Variants in VGLL4 observed in about 807,000 individuals in gnomAD.
VGLL4 encodes vestigial like family member 4.
Under a neutral mutation model 21.0 loss-of-function variants are expected in VGLL4, and 7 were observed. The observed-to-expected ratio is 0.33, with a 90% CI of 0.19 to 0.63. VGLL4 has a LOEUF of 0.63. VGLL4 is among the 20% of genes least tolerant of loss of function. VGLL4 has a pLI of 0.78. For synonymous variants in VGLL4, 222 were observed against 173.2 expected (o/e 1.28, Z -2.21); for missense variants, 394 against 425.7 (o/e 0.93, Z 0.66).
rs757293498 is a variant in VGLL4, at chr3:11,642,239, C to A, written c.82+1198G>T. On this transcript the variant is annotated intron_variant, in intron 1 of 4. Coordinates refer to ENST00000430365, the MANE Select transcript of VGLL4 (RefSeq NM_001128219.3). ...GTAGGAGTAAAGAAAAACAAATACT[C>A]TTTTTAAAAAACGTTAAATATGAGA... Among the ~76,000 whole-genome samples, 41 of 152,166 alleles carry A rather than the reference C, an allele frequency of 2.7e-4. 1 individual carries two copies. In the Middle Eastern group the frequency reaches 0.02, roughly 76 times the overall value.
chr3:11,562,441 G>A (rs1361344657), intron 3 of VGLL4, among the ~76,000 whole-genome samples: 4 of 152,102 alleles, frequency 2.6e-5, no homozygotes, highest in East Asian at 3.9e-4. Context: ...TGCAGCATGC[G>A]TCCTGCCTGC....
intron 2 of VGLL4, among the ~76,000 whole-genome samples, chr3:11,600,378 A>AG (rs2125263335): frequency 6.6e-6 from 1 of 152,014 alleles, no homozygotes; most frequent in African/African-American, 2.4e-5. Flanking sequence ...AAGAAAAAAA[A>AG]AAAAAGACCA....
chr3:11,602,053 G>A, intron 1 of VGLL4, 31 bp from the exon 2 acceptor site: 1 of 1,489,894 alleles, frequency 6.7e-7, no homozygotes, highest in South Asian at 1.4e-5. Flanking sequence ...TAGTCACTAA[G>A]CAGGAGAAAG....
intron 2 of VGLL4, among the ~76,000 whole-genome samples, chr3:11,665,476 G>C (rs1198251032): frequency 2.6e-5 from 4 of 152,172 alleles, no homozygotes; most frequent in Non-Finnish European, 4.4e-5. Context: ...TCATACACCT[G>C]CAGCTTCACC....
intron 2 of VGLL4, among the ~76,000 whole-genome samples, chr3:11,687,114 TAA>T (rs1198224207): frequency 2.0e-5 from 3 of 152,204 alleles, no homozygotes; most frequent in African/African-American, 7.2e-5. Flanking sequence ...ATAAAATTTA[TAA>T]AGTGTTTTAA....
intron 1 of VGLL4, among the ~76,000 whole-genome samples, chr3:11,620,273 CTA>C (rs2075240765): frequency 6.6e-6 from 1 of 152,158 alleles, no homozygotes; most frequent in African/African-American, 2.4e-5. Context: ...GCCCCAGGGA[CTA>C]TGTTTCCAAC....
intron 2 of VGLL4, among the ~76,000 whole-genome samples, chr3:11,590,369 C>A (rs1224448106): frequency 1.3e-5 from 2 of 152,136 alleles, no homozygotes; most frequent in East Asian, 3.9e-4. Context: ...TGGCCTTGAC[C>A]CAGTTTCTGG....
At chr3:11,688,027 T>C (rs1306544645) in intron 2 of VGLL4, among the ~76,000 whole-genome samples, 1 of 152,190 alleles carries the variant, frequency 6.6e-6, no homozygotes, top group Non-Finnish European at 1.5e-5. Context: ...AATACTTTTT[T>C]AGACTTCTGT....
intron 2 of VGLL4, among the ~76,000 whole-genome samples, chr3:11,694,905 C>T (rs1404981413): frequency 6.6e-6 from 1 of 152,066 alleles, no homozygotes; most frequent in Non-Finnish European, 1.5e-5. Flanking sequence ...CTTTTATTGG[C>T]TATATTTAGT....
chr3:11,628,691 G>T (rs868377063), intron 1 of VGLL4, among the ~76,000 whole-genome samples: 2 of 151,912 alleles, frequency 1.3e-5, no homozygotes, highest in Non-Finnish European at 2.9e-5. Flanking sequence ...GTGGTGGCGG[G>T]CGCCTGTAAT....
At chr3:11,567,139 G>A (rs1333585346) in intron 2 of VGLL4, among the ~76,000 whole-genome samples, 2 of 152,128 alleles carry the variant, frequency 1.3e-5, no homozygotes, top group African/African-American at 2.4e-5. Context: ...TCTCCAGCAG[G>A]GGCACGCGCT....
At chr3:11,613,540 G>A (rs1011381250) in intron 1 of VGLL4, among the ~76,000 whole-genome samples, 4 of 152,150 alleles carry the variant, frequency 2.6e-5, no homozygotes, top group Non-Finnish European at 4.4e-5. Flanking sequence ...TACCTCGCAC[G>A]TGGTCCCGGG....
chr3:11,659,618 G>C (rs2076009731), intron 2 of VGLL4, among the ~76,000 whole-genome samples: 1 of 149,680 alleles, frequency 6.7e-6, no homozygotes, highest in African/African-American at 2.5e-5. Context: ...ACAGGCGTGA[G>C]CCACCACGCC....
chr3:11,686,703 C>T (rs75090716), intron 2 of VGLL4, among the ~76,000 whole-genome samples: 2,438 of 152,298 alleles, frequency 0.016, 62 homozygotes, highest in African/African-American at 0.053. Flanking sequence ...TTTAATCATT[C>T]TTCCTCCATG....
At chr3:11,721,029 G>C (rs1436707999), upstream of VGLL4, among the ~76,000 whole-genome samples, 3 of 152,142 alleles carry the variant, frequency 2.0e-5, no homozygotes, top group Non-Finnish European at 4.4e-5. Flanking sequence ...AATAAATAGA[G>C]ACTGGACTTC....
chr3:11,698,180 C>T (rs563821736), intron 2 of VGLL4, among the ~76,000 whole-genome samples: 1 of 152,256 alleles, frequency 6.6e-6, no homozygotes, highest in African/African-American at 2.4e-5. Context: ...CCTTGCCCTC[C>T]CATTTTCATC....
chr3:11,681,750 A>G (rs6769422), intron 2 of VGLL4, among the ~76,000 whole-genome samples: 121,243 of 152,200 alleles, frequency 0.8, 48,457 homozygotes, highest in Admixed American at 0.85. Context: ...CATGAGTGTC[A>G]GATGCAGCCC....
chr3:11,638,442 C>T (rs1176626797), intron 1 of VGLL4, among the ~76,000 whole-genome samples: 2 of 152,072 alleles, frequency 1.3e-5, no homozygotes, highest in Non-Finnish European at 2.9e-5. Flanking sequence ...AGGAGAAAGA[C>T]ACCAGCCAGG....
At chr3:11,669,419 C>G (rs1007070835) in intron 2 of VGLL4, among the ~76,000 whole-genome samples, 25 of 152,092 alleles carry the variant, frequency 1.6e-4, no homozygotes, top group African/African-American at 5.6e-4. Context: ...AGTCTAAGAC[C>G]TTCTTTTTTA....
Sources: allele counts gnomAD v4.1 joint callset (sites outside exome capture counted in the v4.1 genomes callset), GRCh38; gene constraint gnomAD v4.1.1; transcripts MANE v1.5; gene names NCBI Gene and HGNC (gene_info 2026-07-23, HGNC 2026-07-21).